Variants in ZNF385D observed in about 807,000 individuals in gnomAD.
ZNF385D encodes zinc finger protein 659.
ZNF385D carries 15 observed loss-of-function variants against 35.8 expected under a neutral mutation model. That is an observed-to-expected ratio of 0.42 (90% confidence interval 0.28 to 0.64). The LOEUF is 0.64. Among genes scored for constraint, ZNF385D ranks in the 30% least tolerant of loss-of-function variants. The probability of loss-of-function intolerance (pLI) is 0.23; values close to 1 mark genes in which losing one functional copy is unlikely to be tolerated. For missense variants in ZNF385D, 474 were observed against 494.6 expected (o/e 0.96, Z 0.39); for synonymous variants, 212 against 186.8 (o/e 1.13, Z -1.10).
intron 2 of ZNF385D, among the ~76,000 whole-genome samples, chr3:21,653,648 G>C (rs1392028792): frequency 6.6e-6 from 1 of 151,622 alleles, no homozygotes; most frequent in African/African-American, 2.4e-5. Flanking sequence ...TCCAAACAAG[G>C]CTCTTAAAAC....
intron 3 of ZNF385D, among the ~76,000 whole-genome samples, chr3:21,881,617 C>A (rs928928845): frequency 6.6e-5 from 10 of 151,960 alleles, no homozygotes; most frequent in Non-Finnish European, 1.5e-4. Flanking sequence ...CATTCTGCAA[C>A]CCATGAATCA....
chr3:22,034,541 TGAG>T (rs1328680944), intron 3 of ZNF385D, among the ~76,000 whole-genome samples: 1 of 152,032 alleles, frequency 6.6e-6, no homozygotes, highest in African/African-American at 2.4e-5. Context: ...CAATTTAAAA[TGAG>T]GAAAAAAGAA....
At chr3:22,099,606 G>C (rs1050614766) in intron 3 of ZNF385D, among the ~76,000 whole-genome samples, 1 of 152,040 alleles carries the variant, frequency 6.6e-6, no homozygotes, top group African/African-American at 2.4e-5. Context: ...ACCTGATTTA[G>C]TGGAAATGGA....
intron 3 of ZNF385D, among the ~76,000 whole-genome samples, chr3:21,862,555 C>T (rs1697113988): frequency 1.3e-5 from 2 of 152,122 alleles, no homozygotes; most frequent in South Asian, 2.1e-4. Flanking sequence ...ACTTGTGGCA[C>T]ATTTGAATGA....
chr3:22,150,951 A>G (rs1427114951), intron 3 of ZNF385D, among the ~76,000 whole-genome samples: 1 of 152,166 alleles, frequency 6.6e-6, no homozygotes, highest in African/African-American at 2.4e-5. Context: ...GTTGAAAAGA[A>G]AGGATGATTC....
chr3:22,010,725 A>T (rs549897099), intron 3 of ZNF385D, among the ~76,000 whole-genome samples: 2 of 152,306 alleles, frequency 1.3e-5, no homozygotes, highest in East Asian at 1.9e-4. Context: ...AACCAGGTGA[A>T]CTTTTTCCAG....
Position 21,414,983 on chromosome 3 carries a change from C to G in ZNF385D, c.*6231G>C, listed in dbSNP as rs1488442542. The G allele has an allele frequency of 6.6e-6, 1 of 152,016 alleles. No homozygotes were observed. The highest frequency in any genetic ancestry group is 1.5e-5 in the Non-Finnish European group (1 of 67,976). 9.4% of individuals were successfully genotyped at this position (152,016 alleles called of 1,614,324 possible). The stretch of plus-strand genomic sequence containing the variant: ...TATCCAATATTAGTTGCCCCTAGCC[C>G]TAGGGTCCTATACTGAAATTATATA... On this transcript the variant is annotated 3_prime_UTR_variant, in exon 8 of 8. Transcript: ENST00000281523.
chr3:21,722,836 G>C (rs563721730), intron 1 of ZNF385D, among the ~76,000 whole-genome samples: 2 of 152,238 alleles, frequency 1.3e-5, no homozygotes, highest in African/African-American at 4.8e-5. Context: ...CAGTATATTT[G>C]GTTTCATCCA....
intron 2 of ZNF385D, among the ~76,000 whole-genome samples, chr3:22,327,555 C>G (rs575314188): frequency 6.6e-6 from 1 of 152,206 alleles, no homozygotes; most frequent in East Asian, 1.9e-4. Flanking sequence ...TCGGGAAGTC[C>G]AAGGATTTCC....
At chr3:22,332,034 G>C (rs1272976025) in intron 2 of ZNF385D, among the ~76,000 whole-genome samples, 5 of 152,082 alleles carry the variant, frequency 3.3e-5, no homozygotes, top group Non-Finnish European at 1.5e-5. Context: ...TAGAAGAATA[G>C]TACAATAAAT....
chr3:21,468,833 G>T (rs1321641429), intron 4 of ZNF385D, among the ~76,000 whole-genome samples: 1 of 152,118 alleles, frequency 6.6e-6, no homozygotes, highest in Non-Finnish European at 1.5e-5. Flanking sequence ...GGAGACTGAG[G>T]CAGGGTAATC....
chr3:21,911,047 G>A (rs1045895743), intron 3 of ZNF385D, among the ~76,000 whole-genome samples: 2 of 151,814 alleles, frequency 1.3e-5, no homozygotes, highest in African/African-American at 2.4e-5. Context: ...AGAGAAGGGT[G>A]CTTATTAGGG....
At chr3:22,021,496 C>T (rs914282824) in intron 3 of ZNF385D, among the ~76,000 whole-genome samples, 18 of 152,038 alleles carry the variant, frequency 1.2e-4, no homozygotes, top group African/African-American at 4.1e-4. Context: ...GTTTTGAATC[C>T]TGACTCCACC....
chr3:22,088,076 A>G (rs1375099233), intron 3 of ZNF385D, among the ~76,000 whole-genome samples: 1 of 152,192 alleles, frequency 6.6e-6, no homozygotes, highest in Non-Finnish European at 1.5e-5. Context: ...TGTCTAAAAC[A>G]AGAGGATTTT....
At chr3:22,163,480 T>C (rs1194328362) in intron 3 of ZNF385D, among the ~76,000 whole-genome samples, 2 of 152,200 alleles carry the variant, frequency 1.3e-5, no homozygotes, top group African/African-American at 4.8e-5. Context: ...ATGTAAAACA[T>C]ATTTTTCTCA....
At chr3:21,921,696 G>A (rs558975451) in intron 3 of ZNF385D, among the ~76,000 whole-genome samples, 3 of 152,106 alleles carry the variant, frequency 2.0e-5, no homozygotes, top group Non-Finnish European at 1.5e-5. Context: ...GATTGCCTCA[G>A]AGATGATTGT....
At chr3:21,480,703 C>T (rs902353210) in intron 4 of ZNF385D, among the ~76,000 whole-genome samples, 1 of 152,162 alleles carries the variant, frequency 6.6e-6, no homozygotes, top group Non-Finnish European at 1.5e-5. Flanking sequence ...TCGATATTCA[C>T]TTGTTCTATT....
intron 3 of ZNF385D, among the ~76,000 whole-genome samples, chr3:21,858,330 T>C (rs771698205): frequency 2.0e-5 from 3 of 152,018 alleles, no homozygotes; most frequent in African/African-American, 4.8e-5. Flanking sequence ...AACAGTTATA[T>C]GCACAGTGGA....
At chr3:21,577,819 T>C (rs1354258839) in intron 2 of ZNF385D, among the ~76,000 whole-genome samples, 1 of 151,364 alleles carries the variant, frequency 6.6e-6, no homozygotes, top group African/African-American at 2.4e-5. Flanking sequence ...TTTCTTTTTT[T>C]TTTTTTTCGA....
Sources: gnomAD v4.1 joint callset for allele counts (sites outside exome capture counted in the v4.1 genomes callset) on GRCh38, gnomAD v4.1.1 for gene constraint, MANE v1.5 for transcripts, NCBI Gene and HGNC (gene_info 2026-07-23, HGNC 2026-07-21) for gene names.